The following MARK3 variants were observed in gnomAD, a reference collection of about 807,000 sequenced individuals.
MARK3 encodes MAP/microtubule affinity-regulating kinase 3.
Under a neutral mutation model 90.1 loss-of-function variants are expected in MARK3, and 46 were observed. The observed-to-expected ratio is 0.51, with a 90% confidence interval of 0.40 to 0.65. MARK3 has a LOEUF of 0.65. MARK3 is among the 30% of genes least tolerant of loss of function. The pLI is 0.00. For missense variants in MARK3, 818 were observed against 947.2 expected, an observed-to-expected ratio of 0.86 and a Z score of 1.79; for synonymous variants, 321 against 332.6, an observed-to-expected ratio of 0.97 and a Z score of 0.38.
intron 13 of MARK3, among the ~76,000 whole-genome samples, chr14:103,478,018 C>T (rs774252154): frequency 5.2e-4 from 57 of 109,788 alleles, no homozygotes; most frequent in Middle Eastern, 5.7e-3. Context: ...AAAAAGTGGC[C>T]GGGCGCAGTG....
chr14:103,442,992 A>G (rs1345228492), intron 3 of MARK3, among the ~76,000 whole-genome samples: 1 of 151,150 alleles, frequency 6.6e-6, no homozygotes, highest in Non-Finnish European at 1.5e-5. Flanking sequence ...AATGAAATAG[A>G]TAAGCTACTA....
At chr14:103,500,239 G>A in intron 17 of MARK3, 39 bp downstream of exon 17, 1 of 1,486,270 alleles carries the variant, frequency 6.7e-7, no homozygotes, top group Non-Finnish European at 9.2e-7. Flanking sequence ...TTTTTCAGGT[G>A]TTTACTTCAT....
At chr14:103,427,510 A>AAAAAG (rs1555381307) in intron 2 of MARK3, among the ~76,000 whole-genome samples, 40 of 151,084 alleles carry the variant, frequency 2.6e-4, no homozygotes, top group African/African-American at 3.6e-4. Context: ...AAAAAAAAAA[A>AAAAAG]AAAGAAACAA....
At chr14:103,406,593 G>A (rs944771648) in intron 2 of MARK3, among the ~76,000 whole-genome samples, 4 of 151,212 alleles carry the variant, frequency 2.6e-5, no homozygotes, top group Non-Finnish European at 4.4e-5. Context: ...GGAGTTTTTT[G>A]TTTTGTTTTT....
At chr14:103,435,918 T>C (rs6575989) in intron 3 of MARK3, among the ~76,000 whole-genome samples, 146,956 of 152,080 alleles carry the variant, frequency 0.97, 71,171 homozygotes, top group East Asian at 1. Flanking sequence ...TGAGACGGAG[T>C]CTCCCTCTGT....
intron 10 of MARK3, 120 bp from the exon 11 acceptor site, chr14:103,466,959 G>T: frequency 2.1e-6 from 1 of 472,800 alleles, no homozygotes; most frequent in Non-Finnish European, 3.8e-6. Flanking sequence ...AGCCAAGATC[G>T]CGCCATTGCA....
intron 3 of MARK3, among the ~76,000 whole-genome samples, chr14:103,442,942 T>TCCCCCCCCC (rs768977846): frequency 1.6e-4 from 17 of 103,660 alleles, no homozygotes; most frequent in African/African-American, 6.2e-4. Flanking sequence ...TTGGTGGGTG[T>TCCCCCCCCC]CCCCCCCCCT....
At chr14:103,470,104 G>A (rs1268296462) in intron 12 of MARK3, among the ~76,000 whole-genome samples, 1 of 151,806 alleles carries the variant, frequency 6.6e-6, no homozygotes, top group Admixed American at 6.6e-5. Flanking sequence ...TATATAGCCA[G>A]TTGTGGCCAG....
chr14:103,407,335 T>C lies in MARK3; in HGVS notation c.243+2068T>C, dbSNP rs140446353. Reference sequence around the variant, plus strand: ...ACTTGCTAATCAATATTATTGTCAATATTTACAGATTTATCTTCAAGAAGT... The same window carrying C: ...ACTTGCTAATCAATATTATTGTCAACATTTACAGATTTATCTTCAAGAAGT... On this transcript the variant is annotated intron_variant, in intron 2 of 17. Coordinates refer to ENST00000429436, the MANE Select transcript of MARK3 (RefSeq NM_001128918.3). 2.7e-3 allele frequency among the ~76,000 whole-genome samples: 410 copies of C among 152,286 alleles called. 2 individuals are homozygous for C. The highest frequency in any genetic ancestry group is 9.5e-3 in the African/African-American group (393 of 41,554).
chr14:103,503,259 T>G lies in MARK3; in HGVS notation c.*32T>G, dbSNP rs1058681. ...GATTATGATGTAAATTAAGTAGCAA[T>G]TAAAGTGTTTTCCTGAACACTGATG... On this transcript the variant is annotated 3_prime_UTR_variant, in exon 18 of 18. Coordinates refer to ENST00000429436, the MANE Select transcript of MARK3 (RefSeq NM_001128918.3). 1 of 1,536,228 alleles carries G rather than the reference T, an allele frequency of 6.5e-7. No homozygotes were observed. The highest frequency in any genetic ancestry group is 1.8e-5 in the Admixed American group (1 of 55,864).
chr14:103,479,229 A>C (rs140229651), intron 13 of MARK3, among the ~76,000 whole-genome samples: 44 of 151,888 alleles, frequency 2.9e-4, no homozygotes, highest in African/African-American at 1.1e-3. Context: ...AGGTCTCCCT[A>C]TGTAGCCCAG....
At chr14:103,454,082 G>A (rs1053138516) in intron 5 of MARK3, among the ~76,000 whole-genome samples, 1 of 152,178 alleles carries the variant, frequency 6.6e-6, no homozygotes, top group African/African-American at 2.4e-5. Context: ...CAGACATGGA[G>A]TGAATCCAGC....
chr14:103,444,591 A>G (rs1221357318), intron 3 of MARK3, among the ~76,000 whole-genome samples: 1 of 152,164 alleles, frequency 6.6e-6, no homozygotes, highest in African/African-American at 2.4e-5. Context: ...ATCCTGGCTA[A>G]CATGGTGAAA....
At chr14:103,471,652 G>T (rs149132626) in intron 12 of MARK3, among the ~76,000 whole-genome samples, 2,352 of 152,212 alleles carry the variant, frequency 0.015, 33 homozygotes, top group South Asian at 0.06. Flanking sequence ...ATGGGTGCCT[G>T]CTTCTCTAAA....
rs541200215 is a variant in MARK3 at position 103,456,920 on chromosome 14, A to T, written c.413-222A>T. On this transcript the variant is annotated intron_variant, in intron 5 of 17. Transcript: ENST00000429436. ...AAAATAAGAGTTATATAATTTAAGT[A>T]TAGGGAATTTAATTTTAAGGCTTTT... 5.9e-5 allele frequency among the ~76,000 whole-genome samples: 9 copies of T among 152,360 alleles called. No homozygotes were observed. In the South Asian group the frequency reaches 1.9e-3, roughly 32 times the overall value.
At chr14:103,417,431 T>A (rs371841993) in intron 2 of MARK3, 1 of 152,194 alleles carries the variant, frequency 6.6e-6, no homozygotes, top group African/African-American at 2.4e-5. Flanking sequence ...TTTTCAGATA[T>A]TGGGAATGTC....
chr14:103,494,834 A>G (rs1031684338), intron 15 of MARK3, among the ~76,000 whole-genome samples: 1 of 152,022 alleles, frequency 6.6e-6, no homozygotes. Flanking sequence ...ACCCGGTTTT[A>G]TCATGTTGGC....
At chr14:103,446,312 G>A (rs1323657253) in intron 3 of MARK3, among the ~76,000 whole-genome samples, 3 of 152,150 alleles carry the variant, frequency 2.0e-5, no homozygotes, top group Non-Finnish European at 4.4e-5. Flanking sequence ...AATCACCTGA[G>A]GTCAGGTGTT....
intron 12 of MARK3, among the ~76,000 whole-genome samples, chr14:103,468,760 T>C (rs909060155): frequency 6.6e-6 from 1 of 151,836 alleles, no homozygotes; most frequent in African/African-American, 2.4e-5. Context: ...TTTGCCCTTC[T>C]AGAACCTCTG....
Sources: allele counts gnomAD v4.1 joint callset (sites outside exome capture counted in the v4.1 genomes callset), GRCh38; gene constraint gnomAD v4.1.1; transcripts MANE v1.5; gene names NCBI Gene and HGNC (gene_info 2026-07-23, HGNC 2026-07-21).